RNF125: variants seen among roughly 807,000 people sequenced by gnomAD.
RNF125 encodes ring finger protein 125, also known as E3 ubiquitin-protein ligase RNF125.
RNF125 carries 21 observed loss-of-function variants against 26.0 expected under a neutral mutation model. The observed-to-expected ratio is 0.81, with a 90% CI of 0.57 to 1.16. The LOEUF is 1.16. Ranked by LOEUF, RNF125 falls within the 50% of genes most tolerant of loss-of-function variation. The pLI is 0.00. For missense variants in RNF125, 270 were observed against 299.4 expected (o/e 0.90, Z 0.72); for synonymous variants, 95 against 109.2 (o/e 0.87, Z 0.81).
chr18:32,075,939 A>G (rs562506513), downstream of RNF125: 641 of 1,519,336 alleles, frequency 4.2e-4, no homozygotes, highest in Non-Finnish European at 5.3e-4. Context: ...TTGCTTCTTC[A>G]TGGTCCATGA....
intron 4 of RNF125, among the ~76,000 whole-genome samples, chr18:32,046,363 G>A (rs1239521890): frequency 2.0e-5 from 3 of 152,048 alleles, no homozygotes; most frequent in South Asian, 4.2e-4. Context: ...TTGGGAGGCC[G>A]AGGCAGGCAG....
chr18:32,075,253 A>G (rs1263342295), downstream of RNF125, among the ~76,000 whole-genome samples: 2 of 152,120 alleles, frequency 1.3e-5, no homozygotes, highest in African/African-American at 2.4e-5. Context: ...CTGTGCCCAC[A>G]TTTAAGAAAT....
At chr18:32,055,788 C>T (rs1220142436) in intron 4 of RNF125, among the ~76,000 whole-genome samples, 2 of 151,796 alleles carry the variant, frequency 1.3e-5, no homozygotes, top group East Asian at 3.9e-4. Context: ...TGAGACCAGC[C>T]TGACCAACAT....
At chr18:32,027,905 A>G (rs1568193133) in intron 1 of RNF125, among the ~76,000 whole-genome samples, 1 of 152,142 alleles carries the variant, frequency 6.6e-6, no homozygotes, top group Non-Finnish European at 1.5e-5. Flanking sequence ...GGGGATTGCA[A>G]GATGGCAAGA....
intron 4 of RNF125, among the ~76,000 whole-genome samples, chr18:32,061,052 T>G (rs907663501): frequency 4.6e-5 from 7 of 152,064 alleles, no homozygotes; most frequent in Non-Finnish European, 7.4e-5. Context: ...TTTCAGACAG[T>G]CTTGCTCTGG....
rs1464280884 is a variant in RNF125 at position 32,042,189 on chromosome 18, G to T, written c.329G>T (p.Ser110Ile). The T allele has an allele frequency of 3.1e-6, 5 of 1,612,324 alleles. No individual in the cohort carries two copies. The African/African-American group carries it at 6.7e-5, about 22-fold the overall frequency. The change falls in exon 3 of 6, where the codon AGT (serine) becomes ATT (isoleucine). Residue 110 changes from serine (S) to isoleucine (I), a missense_variant. Ser to Ile is a moderately radical substitution (Grantham distance 142). Coordinates refer to ENST00000217740, the MANE Select transcript of RNF125 (RefSeq NM_017831.4). ...CAECDTLVCL[S>I]EMRAHIRTCQ... The stretch of plus-strand genomic sequence containing the variant: ...TTTGTTTTTATGTAGGTTTGCCTCA[G>T]TGAAATGAGGGCACATATTCGGACT...
intron 1 of RNF125, among the ~76,000 whole-genome samples, chr18:32,033,608 G>A (rs2039121638): frequency 6.6e-6 from 1 of 151,570 alleles, no homozygotes; most frequent in African/African-American, 2.4e-5. Flanking sequence ...ATCACCTGAG[G>A]GCGAGAGTTT....
rs559792714 is a variant in RNF125, at chr18:32,054,592, T to A, written c.504+8860T>A. Reference sequence around the variant, plus strand: ...AATTTAGGGAAGGAAAGTTATATCATTGAAAAAGAATTCTCATCTGATTCT... The same window carrying A: ...AATTTAGGGAAGGAAAGTTATATCAATGAAAAAGAATTCTCATCTGATTCT... On this transcript the variant is annotated intron_variant, in intron 4 of 5. Transcript: ENST00000217740. Among the ~76,000 whole-genome samples the A allele has an allele frequency of 2.8e-4, 42 of 152,350 alleles. No homozygotes were observed. The South Asian group carries it at 6.4e-3, about 23-fold the overall frequency.
At chr18:32,037,094 A>G (rs375719925) in intron 1 of RNF125, 22 bp from the exon 2 acceptor site, 175 of 1,571,012 alleles carry the variant, frequency 1.1e-4, no homozygotes, top group Non-Finnish European at 1.4e-4. Context: ...AAAGTGATGT[A>G]TTTTTGGTCT....
chr18:32,054,841 T>A (rs2039364803), intron 4 of RNF125, among the ~76,000 whole-genome samples: 1 of 152,172 alleles, frequency 6.6e-6, no homozygotes, highest in East Asian at 1.9e-4. Flanking sequence ...ATAAGATAAA[T>A]ATGATTTGTT....
intron 1 of RNF125, among the ~76,000 whole-genome samples, chr18:32,032,782 C>T (rs1036387168): frequency 9.2e-5 from 14 of 151,874 alleles, no homozygotes; most frequent in African/African-American, 2.9e-4. Context: ...TCACTGGAAC[C>T]TGGGAGGCAG....
chr18:32,066,997 A>G (rs2144518085), intron 5 of RNF125, among the ~76,000 whole-genome samples: 1 of 152,310 alleles, frequency 6.6e-6, no homozygotes, highest in South Asian at 2.1e-4. Flanking sequence ...TCACACCTGT[A>G]ATCCCAGCAC....
In RNF125 at chr18:32,066,027, T is replaced by C; in HGVS notation, c.612+18T>C. 1 of 1,438,786 alleles carries C rather than the reference T, an allele frequency of 7.0e-7. No individual in the cohort carries two copies. The highest frequency in any genetic ancestry group is 2.3e-5 in the East Asian group (1 of 44,078). The allele number at this position is 1,438,786 out of a possible 1,614,324, so 89.1% of individuals were successfully genotyped here. On this transcript the variant is annotated intron_variant, in intron 5 of 5. Transcript: ENST00000217740. ...ATTTCATAGTAAGTATATTTTCTTA[T>C]TTTTACATTATGTTTTCATGCTGTC...
chr18:32,083,920 A>G, the RNF125 span, among the ~76,000 whole-genome samples: 3 of 151,968 alleles, frequency 2.0e-5, no homozygotes, highest in African/African-American at 7.3e-5. Flanking sequence ...AAAAATGTGG[A>G]GTAAAGGAAA....
chr18:32,073,286 C>T (rs192693626), downstream of RNF125: 15 of 152,308 alleles, frequency 9.8e-5, no homozygotes, highest in Non-Finnish European at 1.3e-4. Context: ...CAACATCTAT[C>T]ACAAAGGTGT....
downstream of RNF125, among the ~76,000 whole-genome samples, chr18:32,075,527 C>G (rs539969193): frequency 6.8e-4 from 103 of 152,170 alleles, no homozygotes; most frequent in Non-Finnish European, 1.2e-3. Context: ...AATCCCAACT[C>G]TACTAAAAAT....
Position 32,034,724 on chromosome 18 carries a change from C to T in RNF125, c.165-2392C>T, listed in dbSNP as rs542641748. Among the ~76,000 whole-genome samples the T allele has an allele frequency of 4.0e-5, 6 of 151,704 alleles. No individual in the cohort carries two copies. In the East Asian group the frequency reaches 7.8e-4, roughly 20 times the overall value. ...GGTCAGGAGTTCAAGACCAGCCTGG[C>T]CAACATGGCGAAACACAGTCGCTAC... On this transcript the variant is annotated intron_variant, in intron 1 of 5. Transcript: ENST00000217740.
intron 1 of RNF125, among the ~76,000 whole-genome samples, chr18:32,023,407 C>T (rs951012358): frequency 6.6e-6 from 1 of 152,184 alleles, no homozygotes. Flanking sequence ...CCTGCCTCGG[C>T]CTCCCAAAGT....
intron 2 of RNF125, among the ~76,000 whole-genome samples, chr18:32,038,347 C>G (rs2039182192): frequency 6.6e-6 from 1 of 152,164 alleles, no homozygotes; most frequent in South Asian, 2.1e-4. Context: ...TCTCACCCAG[C>G]CTCCAATTTC....
Sources: allele counts gnomAD v4.1 joint callset (sites outside exome capture counted in the v4.1 genomes callset), GRCh38; gene constraint gnomAD v4.1.1; transcripts MANE v1.5; gene names NCBI Gene and HGNC (gene_info 2026-07-23, HGNC 2026-07-21).